Variants in ZRANB3 observed in about 807,000 individuals in gnomAD.
The protein encoded by ZRANB3 is DNA annealing helicase and endonuclease ZRANB3.
Under a neutral mutation model 133.8 loss-of-function variants are expected in ZRANB3, and 125 were observed. The observed-to-expected ratio is 0.93, with a 90% CI of 0.81 to 1.08. ZRANB3 has a LOEUF of 1.08. Among genes scored for constraint, ZRANB3 ranks in the 50% least tolerant of loss-of-function variants. ZRANB3 has a pLI of 0.00. For missense variants in ZRANB3, 1,229 were observed against 1,275.5 expected (o/e 0.96, Z 0.56); for synonymous variants, 387 against 432.7 (o/e 0.89, Z 1.31).
intron 13 of ZRANB3, chr2:135,228,312 G>GTTT (rs58948947): frequency 2.9e-4 from 44 of 151,132 alleles, no homozygotes; most frequent in South Asian, 7.4e-4. Flanking sequence ...ACTAAGTTTT[G>GTTT]TTTTTTTTTT....
chr2:135,445,875 C>CAA (rs60336414), intron 2 of ZRANB3, among the ~76,000 whole-genome samples: 3 of 95,680 alleles, frequency 3.1e-5, no homozygotes, highest in Non-Finnish European at 4.9e-5. Flanking sequence ...GACTCCATCT[C>CAA]AAAAAAAAAA....
chr2:135,274,593 C>T (rs186805737), intron 9 of ZRANB3, among the ~76,000 whole-genome samples: 3 of 151,504 alleles, frequency 2.0e-5, no homozygotes, highest in East Asian at 1.9e-4. Flanking sequence ...TTTTTAGCAA[C>T]CTTTTTTTAA....
At chr2:135,505,971 C>G (rs1250803543) in intron 1 of ZRANB3, among the ~76,000 whole-genome samples, 1 of 152,054 alleles carries the variant, frequency 6.6e-6, no homozygotes, top group African/African-American at 2.4e-5. Context: ...TGCTGTTTGG[C>G]TTATGGTCTG....
At position 135,230,570 on chromosome 2, in the gene ZRANB3, T is replaced by A; in HGVS notation, c.1897A>T (p.Ile633Phe). ...EGWQCSLCTYINNSELPYCEM... is the reference protein window; with the variant it reads ...EGWQCSLCTYFNNSELPYCEM... ...CAATAAGGTAACTCTGAATTATTGA[T>A]ATAGGTGCAGAGACTACATTGCCAG... The change falls in exon 13 of 21, where the codon ATC (isoleucine) becomes TTC (phenylalanine). Residue 633 changes from isoleucine (I) to phenylalanine (F), a missense_variant. Physicochemically the swap from Ile to Phe is conservative, Grantham distance 21. Coordinates refer to ENST00000264159, the MANE Select transcript of ZRANB3 (RefSeq NM_032143.4). 6.3e-7 allele frequency: 1 copy of A among 1,583,098 alleles called. No individual in the cohort carries two copies. The highest frequency in any genetic ancestry group is 8.6e-7 in the Non-Finnish European group (1 of 1,169,268).
In ZRANB3 at chr2:135,198,810, T is replaced by C. The variant is rs1436625737; in HGVS notation, c.*1532A>G. ...AAATAACCAACATGACTTGATCTCA[T>C]ACAATGAAATAGAAACTGAGGAACA... On this transcript the variant is annotated 3_prime_UTR_variant, in exon 21 of 21. Transcript: ENST00000264159. 6.6e-6 allele frequency: 1 copy of C among 152,234 alleles called. No homozygotes were observed. The highest frequency in any genetic ancestry group is 2.4e-5 in the African/African-American group (1 of 41,466). 9.4% of individuals were successfully genotyped at this position (152,234 alleles called of 1,614,324 possible).
chr2:135,353,496 G>A lies in ZRANB3; in HGVS notation c.313C>T (p.Leu105=). ...ATAACATTGATTTCTTCTGGACTTA[G>A]CTCTGGGATCCATTTTTCAATTTCT... ...TEEIEKWIPE[L]SPEEINVIQN... is the part of the protein sequence containing the mutation. Residue 105 remains leucine, a synonymous_variant, in exon 4 of 21, where the codon CTA becomes TTA. Coordinates refer to ENST00000264159, the MANE Select transcript of ZRANB3 (RefSeq NM_032143.4). 6.2e-7 allele frequency: 1 copy of A among 1,609,592 alleles called. No homozygotes were observed. Among genetic ancestry groups the A allele is most frequent in the Non-Finnish European group, 8.5e-7 (1 of 1,177,584 alleles).
At chr2:135,461,428 G>A (rs528942586) in intron 2 of ZRANB3, among the ~76,000 whole-genome samples, 27 of 152,144 alleles carry the variant, frequency 1.8e-4, no homozygotes, top group South Asian at 6.2e-4. Context: ...AAAATTAGCC[G>A]GTCTTGGCGA....
intron 6 of ZRANB3, among the ~76,000 whole-genome samples, chr2:135,322,455 C>A (rs1469298638): frequency 3.9e-5 from 6 of 152,254 alleles, no homozygotes; most frequent in South Asian, 2.1e-4. Flanking sequence ...GTGGCTCATG[C>A]CTGTAATCCC....
intron 16 of ZRANB3, among the ~76,000 whole-genome samples, 159 bp downstream of exon 16, chr2:135,218,918 A>G (rs1300429305): frequency 6.6e-6 from 1 of 152,254 alleles, no homozygotes; most frequent in Non-Finnish European, 1.5e-5. Flanking sequence ...CTGGGTAATT[A>G]ATAGGCACCA....
intron 12 of ZRANB3, among the ~76,000 whole-genome samples, chr2:135,232,694 G>A (rs1573722650): frequency 1.3e-5 from 2 of 152,300 alleles, no homozygotes; most frequent in South Asian, 4.1e-4. Flanking sequence ...GGTCTGGAGT[G>A]GACCTCCAGC....
At chr2:135,525,330 A>G (rs988055044) in intron 1 of ZRANB3, among the ~76,000 whole-genome samples, 1 of 152,330 alleles carries the variant, frequency 6.6e-6, no homozygotes, top group African/African-American at 2.4e-5. Context: ...AAACATGGGA[A>G]ATGGGTGCTC....
Position 135,315,470 on chromosome 2 carries a change from G to A in ZRANB3, c.738C>T (p.His246=), listed in dbSNP as rs1365399955. 2.5e-6 allele frequency: 4 copies of A among 1,593,698 alleles called. No homozygotes were observed. The highest frequency in any genetic ancestry group is 3.4e-6 in the Non-Finnish European group (4 of 1,171,960). Residue 246 remains histidine (H), a synonymous_variant, in exon 7 of 21, where the codon CAC becomes CAT. Coordinates refer to ENST00000264159, the MANE Select transcript of ZRANB3 (RefSeq NM_032143.4). The stretch of plus-strand genomic sequence containing the variant: ...TAATCATTATGTCACTTAATAGCTG[G>A]TGAAGTTCATTAAGATTTGATGCCC... ...CRGASNLNEL[H]QLLSDIMIRR...
intron 17 of ZRANB3, among the ~76,000 whole-genome samples, chr2:135,213,397 T>A (rs1463498550): frequency 6.6e-6 from 1 of 152,202 alleles, no homozygotes; most frequent in Non-Finnish European, 1.5e-5. Context: ...CAACAGCATA[T>A]TTCACATTTG....
intron 1 of ZRANB3, chr2:135,510,446 C>A: frequency 2.1e-6 from 1 of 465,252 alleles, no homozygotes; most frequent in Non-Finnish European, 3.9e-6. Flanking sequence ...CAGTTTATAA[C>A]AAACTGGGGT....
intron 2 of ZRANB3, among the ~76,000 whole-genome samples, chr2:135,474,969 T>A (rs1691442307): frequency 6.6e-6 from 1 of 152,096 alleles, no homozygotes; most frequent in African/African-American, 2.4e-5. Flanking sequence ...ACCCTTGCAC[T>A]CCCATTCACA....
At chr2:135,346,559 T>C (rs565072220) in intron 5 of ZRANB3, among the ~76,000 whole-genome samples, 7 of 152,306 alleles carry the variant, frequency 4.6e-5, no homozygotes, top group African/African-American at 1.7e-4. Context: ...TCCATTTGCA[T>C]TTCTATTAGA....
At chr2:135,301,727 T>C (rs973963720) in intron 8 of ZRANB3, among the ~76,000 whole-genome samples, 40 of 152,258 alleles carry the variant, frequency 2.6e-4, no homozygotes, top group African/African-American at 9.2e-4. Context: ...TTCCTTGGGA[T>C]GTCTTTCCTG....
intron 3 of ZRANB3, among the ~76,000 whole-genome samples, chr2:135,379,699 C>T (rs562258061): frequency 6.6e-6 from 1 of 152,228 alleles, no homozygotes; most frequent in African/African-American, 2.4e-5. Flanking sequence ...CCAGTCACTG[C>T]AAAAACACAC....
chr2:135,473,896 T>C lies in ZRANB3; in HGVS notation c.161+30433A>G. Among the ~76,000 whole-genome samples, 2 of 152,100 alleles carry C rather than the reference T, an allele frequency of 1.3e-5. 1 individual carries two copies. Among genetic ancestry groups the C allele is most frequent in the Non-Finnish European group, 2.9e-5 (2 of 68,014 alleles). ...GCCTGATAGACACACTTATAAAAAC[T>C]AATGTAGGACACACACAGAGGCTCA... On this transcript the variant is annotated intron_variant, in intron 2 of 20. Transcript: ENST00000264159.
Sources: gnomAD v4.1 joint callset for allele counts (sites outside exome capture counted in the v4.1 genomes callset) on GRCh38, gnomAD v4.1.1 for gene constraint, MANE v1.5 for transcripts, NCBI Gene and HGNC (gene_info 2026-07-23, HGNC 2026-07-21) for gene names.